Variants in RAP1GDS1 observed in about 807,000 individuals in gnomAD.
The protein encoded by RAP1GDS1 is Rap1 GTPase-GDP dissociation stimulator 1.
A neutral mutation model predicts 71.1 loss-of-function variants in RAP1GDS1; 35 were observed. That is an observed-to-expected ratio of 0.49 (90% CI 0.38 to 0.65). The LOEUF (loss-of-function observed/expected upper bound fraction) is 0.65. Among genes scored for constraint, RAP1GDS1 ranks in the 30% least tolerant of loss-of-function variants. The pLI is 0.00. For synonymous variants in RAP1GDS1, 229 were observed against 243.1 expected (o/e 0.94, Z 0.54); for missense variants, 663 against 706.1 (o/e 0.94, Z 0.69).
chr4:98,282,956 C>T (rs1233745190), intron 1 of RAP1GDS1, among the ~76,000 whole-genome samples: 1 of 151,946 alleles, frequency 6.6e-6, no homozygotes, highest in East Asian at 1.9e-4. Flanking sequence ...ATCCTGAGTT[C>T]TAATTTGATT....
chr4:98,361,307 C>T (rs977125301), intron 4 of RAP1GDS1, among the ~76,000 whole-genome samples: 12 of 151,482 alleles, frequency 7.9e-5, no homozygotes, highest in South Asian at 4.2e-4. Context: ...ATTTATAAAA[C>T]GTTTTGATCT....
At chr4:98,352,049 A>G (rs1006145074) in intron 3 of RAP1GDS1, among the ~76,000 whole-genome samples, 17 of 151,166 alleles carry the variant, frequency 1.1e-4, no homozygotes, top group Non-Finnish European at 1.6e-4. Flanking sequence ...TTTAGAAAAC[A>G]AAGTGAAAAA....
At chr4:98,349,432 A>T (rs1221718029) in intron 3 of RAP1GDS1, among the ~76,000 whole-genome samples, 1 of 152,070 alleles carries the variant, frequency 6.6e-6, no homozygotes, top group African/African-American at 2.4e-5. Flanking sequence ...TTGGCTTAGG[A>T]TTGACTTGGC....
At chr4:98,376,513 A>G (rs1160208609) in intron 4 of RAP1GDS1, among the ~76,000 whole-genome samples, 1 of 152,072 alleles carries the variant, frequency 6.6e-6, no homozygotes, top group African/African-American at 2.4e-5. Context: ...ACTTCTAAAG[A>G]TGACTTATGT....
At chr4:98,357,578 G>C (rs1200510470) in intron 4 of RAP1GDS1, among the ~76,000 whole-genome samples, 1 of 151,786 alleles carries the variant, frequency 6.6e-6, no homozygotes, top group Non-Finnish European at 1.5e-5. Flanking sequence ...TTAAATGGTA[G>C]AGAAAATAAA....
At chr4:98,441,394 T>C in intron 14 of RAP1GDS1, 1 of 984,986 alleles carries the variant, frequency 1.0e-6, no homozygotes, top group Non-Finnish European at 1.2e-6. Context: ...CAGAAATTTG[T>C]TGAAGGATAT....
chr4:98,322,381 G>A (rs1426864474), intron 2 of RAP1GDS1, among the ~76,000 whole-genome samples: 2,333 of 108,424 alleles, frequency 0.022, 46 homozygotes, highest in Non-Finnish European at 0.03. Context: ...AGTCAACAAG[G>A]ATACCCAGGA....
chr4:98,324,872 A>C (rs184852587), intron 2 of RAP1GDS1, among the ~76,000 whole-genome samples: 13 of 152,162 alleles, frequency 8.5e-5, no homozygotes, highest in African/African-American at 2.7e-4. Context: ...CAAGGACTTC[A>C]TGTCCAAAAC....
At chr4:98,290,073 C>G (rs993926073) in intron 1 of RAP1GDS1, among the ~76,000 whole-genome samples, 14 of 152,028 alleles carry the variant, frequency 9.2e-5, no homozygotes, top group Non-Finnish European at 2.1e-4. Context: ...GTACTTGTCT[C>G]CTGTCGGTTT....
At chr4:98,423,511 GT>G (rs998379387) in intron 12 of RAP1GDS1, among the ~76,000 whole-genome samples, 8 of 151,838 alleles carry the variant, frequency 5.3e-5, no homozygotes, top group Admixed American at 3.9e-4. Flanking sequence ...TTATTTGAGG[GT>G]TTTTTTGTTT....
At chr4:98,283,298 G>C (rs973953742) in intron 1 of RAP1GDS1, among the ~76,000 whole-genome samples, 1 of 152,140 alleles carries the variant, frequency 6.6e-6, no homozygotes, top group African/African-American at 2.4e-5. Context: ...AGTATGAGCT[G>C]ATGATTTTCC....
intron 2 of RAP1GDS1, among the ~76,000 whole-genome samples, chr4:98,293,766 C>G (rs550121646): frequency 2.0e-5 from 3 of 151,990 alleles, no homozygotes; most frequent in African/African-American, 7.2e-5. Context: ...ACATTAATAC[C>G]AGTCCCAGAG....
chr4:98,268,589 A>G (rs1723011952), intron 1 of RAP1GDS1, among the ~76,000 whole-genome samples: 1 of 152,096 alleles, frequency 6.6e-6, no homozygotes, highest in Non-Finnish European at 1.5e-5. Flanking sequence ...AAAGACAAAA[A>G]CTATTAGTCC....
At chr4:98,354,673 C>A (rs1737692390) in intron 4 of RAP1GDS1, among the ~76,000 whole-genome samples, 1 of 151,996 alleles carries the variant, frequency 6.6e-6, no homozygotes, top group Non-Finnish European at 1.5e-5. Flanking sequence ...ATGGGATATA[C>A]AATATAAAGT....
chr4:98,276,571 T>C (rs982861267), intron 1 of RAP1GDS1, among the ~76,000 whole-genome samples: 22 of 151,932 alleles, frequency 1.4e-4, no homozygotes, highest in Non-Finnish European at 2.9e-4. Context: ...AGTATGTCTT[T>C]CTTTTTGTCT....
At chr4:98,359,317 A>G (rs1738398219) in intron 4 of RAP1GDS1, among the ~76,000 whole-genome samples, 1 of 152,212 alleles carries the variant, frequency 6.6e-6, no homozygotes, top group South Asian at 2.1e-4. Context: ...AAGTGAAATT[A>G]TGAACTCAAG....
intron 1 of RAP1GDS1, among the ~76,000 whole-genome samples, chr4:98,278,057 T>TA (rs1724498024): frequency 6.6e-6 from 1 of 152,100 alleles, no homozygotes; most frequent in African/African-American, 2.4e-5. Flanking sequence ...CTACTAAAAG[T>TA]ACAAAAATTA....
intron 2 of RAP1GDS1, among the ~76,000 whole-genome samples, chr4:98,293,850 AATAGATTGTTTT>A (rs2110281309): frequency 6.6e-6 from 1 of 152,242 alleles, no homozygotes; most frequent in South Asian, 2.1e-4. Context: ...GTGCTTTAAA[AATAGATTGTTTT>A]ATATGTGGGG....
At chr4:98,273,521 A>G (rs1399667908) in intron 1 of RAP1GDS1, among the ~76,000 whole-genome samples, 2 of 151,950 alleles carry the variant, frequency 1.3e-5, no homozygotes, top group African/African-American at 4.8e-5. Context: ...TATATTTTTT[A>G]TTTTAAAGTT....
Sources: allele counts gnomAD v4.1 joint callset (sites outside exome capture counted in the v4.1 genomes callset), GRCh38; gene constraint gnomAD v4.1.1; transcripts MANE v1.5; gene names NCBI Gene and HGNC (gene_info 2026-07-23, HGNC 2026-07-21).